Variants in OARD1 observed in about 807,000 individuals in gnomAD.
OARD1 encodes the protein ADP-ribose glycohydrolase OARD1.
Under a neutral mutation model 19.7 loss-of-function variants are expected in OARD1, and 19 were observed. The observed-to-expected ratio is 0.96, with a 90% confidence interval of 0.67 to 1.41. The LOEUF (loss-of-function observed/expected upper bound fraction) is 1.41, where lower values mean the gene tolerates loss of function less well. Among genes scored for constraint, OARD1 ranks in the 40% most tolerant of loss-of-function variants. The probability of loss-of-function intolerance (pLI) is 0.00; values close to 1 mark genes in which losing one functional copy is unlikely to be tolerated. For synonymous variants in OARD1, 70 were observed against 61.8 expected (o/e 1.13, Z -0.62); for missense variants, 190 against 183.8 (o/e 1.03, Z -0.20).
chr6:41,070,725 A>G (rs565991242), intron 3 of OARD1: 5 of 343,438 alleles, frequency 1.5e-5, no homozygotes, highest in Non-Finnish European at 2.7e-5. Context: ...ATAGGATTCT[A>G]GTGCACATTT....
At chr6:41,067,473 A>G (rs549309208) in intron 5 of OARD1, 36 bp from the exon 6 acceptor site, 10 of 1,413,628 alleles carry the variant, frequency 7.1e-6, no homozygotes, top group African/African-American at 4.2e-5. Context: ...GATGGTAACG[A>G]AAGTATCTAG....
At chr6:41,067,938 G>A (rs1763108466) in intron 5 of OARD1, among the ~76,000 whole-genome samples, 2 of 152,108 alleles carry the variant, frequency 1.3e-5, no homozygotes, top group African/African-American at 4.8e-5. Context: ...CAACACCCTG[G>A]TAAGAATAAA....
chr6:41,075,711 A>G (rs1763714214), upstream of OARD1: 1 of 141,250 alleles, frequency 7.1e-6, no homozygotes, highest in Non-Finnish European at 1.5e-5. Context: ...GATAGCAAAG[A>G]AAAAAAAAGT....
intron 1 of OARD1, chr6:41,090,194 T>A: frequency 5.7e-6 from 9 of 1,573,836 alleles, no homozygotes; most frequent in Non-Finnish European, 7.9e-6. Context: ...TCATTACTTA[T>A]TTCCTCCAGA....
At chr6:41,080,936 C>T (rs754570723) in intron 1 of OARD1, 1 of 1,497,692 alleles carries the variant, frequency 6.7e-7, no homozygotes, top group South Asian at 1.1e-5. Flanking sequence ...ACTGCATGAA[C>T]TTCTCCTCTC....
At chr6:41,091,735 T>G in intron 1 of OARD1, 1 of 1,600,878 alleles carries the variant, frequency 6.2e-7, no homozygotes, top group Non-Finnish European at 8.5e-7. Context: ...TGAAATTTTC[T>G]TGAACATGCA....
At chr6:41,069,122 C>T in intron 4 of OARD1, 169 bp from the exon 5 acceptor site, 1 of 439,096 alleles carries the variant, frequency 2.3e-6, no homozygotes, top group South Asian at 4.8e-5. Flanking sequence ...TTATGGGAGA[C>T]CTTCAAGAAA....
intron 5 of OARD1, among the ~76,000 whole-genome samples, chr6:41,067,762 T>C (rs1436445141): frequency 6.6e-6 from 1 of 152,206 alleles, no homozygotes; most frequent in Non-Finnish European, 1.5e-5. Context: ...TAAAATTGGC[T>C]GTGGATGGAT....
At chr6:41,091,944 G>A (rs1221479443) in intron 1 of OARD1, among the ~76,000 whole-genome samples, 1 of 152,064 alleles carries the variant, frequency 6.6e-6, no homozygotes, top group Admixed American at 6.5e-5. Context: ...GTGATTTTAT[G>A]GAATTCTTTT....
intron 1 of OARD1, among the ~76,000 whole-genome samples, chr6:41,092,518 T>C (rs900998596): frequency 6.6e-6 from 1 of 152,218 alleles, no homozygotes; most frequent in Non-Finnish European, 1.5e-5. Context: ...AAAATTAGGA[T>C]TGAATTATAA....
At chr6:41,086,332 A>G (rs537366114) in intron 1 of OARD1, among the ~76,000 whole-genome samples, 1 of 152,320 alleles carries the variant, frequency 6.6e-6, no homozygotes, top group South Asian at 2.1e-4. Context: ...TTCTAGCTCT[A>G]AATTCTGTGA....
chr6:41,076,229 G>GA (rs1763730298), upstream of OARD1, among the ~76,000 whole-genome samples: 8 of 152,278 alleles, frequency 5.3e-5, no homozygotes, highest in South Asian at 1.7e-3. Flanking sequence ...GTAGCATAGG[G>GA]AGACCCCCTC....
intron 1 of OARD1, chr6:41,080,778 CA>C: frequency 6.4e-7 from 1 of 1,567,696 alleles, no homozygotes; most frequent in Non-Finnish European, 8.8e-7. Context: ...TCCTTCCTGA[CA>C]TATTTCAAGC....
chr6:41,073,819 GGCCCGGCGCCGTTACCACCCCT>G (rs1214582099), upstream of OARD1, among the ~76,000 whole-genome samples: 2 of 152,138 alleles, frequency 1.3e-5, no homozygotes, highest in Admixed American at 1.3e-4. Context: ...CCGGGTCTCC[GGCCCGGCGCCGTTACCACCCCT>G]TTTGGCTCGT....
At chr6:41,091,155 A>G (rs1009283988) in intron 1 of OARD1, among the ~76,000 whole-genome samples, 1 of 152,238 alleles carries the variant, frequency 6.6e-6, no homozygotes, top group African/African-American at 2.4e-5. Context: ...AGTTTGAGAT[A>G]AACAAAGTAT....
chr6:41,093,319 G>C (rs1233690984), intron 1 of OARD1, among the ~76,000 whole-genome samples: 1 of 152,122 alleles, frequency 6.6e-6, no homozygotes, highest in Admixed American at 6.6e-5. Flanking sequence ...CATAAAAGTA[G>C]TCCAGAGATA....
chr6:41,088,826 T>C (rs1206535869), intron 1 of OARD1, among the ~76,000 whole-genome samples: 1 of 151,998 alleles, frequency 6.6e-6, no homozygotes, highest in Non-Finnish European at 1.5e-5. Context: ...CCTAATCTGC[T>C]CGCCTCAGCC....
intron 2 of OARD1, 131 bp downstream of exon 2, chr6:41,071,465 C>A: frequency 5.8e-6 from 6 of 1,036,692 alleles, no homozygotes; most frequent in Non-Finnish European, 7.3e-6. Flanking sequence ...GAATTTTGAG[C>A]CTTTTTAAAG....
intron 1 of OARD1, among the ~76,000 whole-genome samples, chr6:41,078,058 T>C (rs1185049519): frequency 6.6e-6 from 1 of 152,000 alleles, no homozygotes; most frequent in African/African-American, 2.4e-5. Flanking sequence ...TCAAAGGAAT[T>C]TGAAAATAAA....
Sources: allele counts gnomAD v4.1 joint callset (sites outside exome capture counted in the v4.1 genomes callset), GRCh38; gene constraint gnomAD v4.1.1; transcripts MANE v1.5; gene names NCBI Gene and HGNC (gene_info 2026-07-23, HGNC 2026-07-21).